ABCA1: variants seen among roughly 807,000 people sequenced by gnomAD.
ABCA1 encodes ATP binding cassette subfamily A member 1.
ABCA1 carries 133 observed loss-of-function variants against 262.5 expected under a neutral mutation model. That is an observed-to-expected ratio of 0.51 (90% CI 0.44 to 0.59). The LOEUF is 0.59. ABCA1 is among the 20% of genes least tolerant of loss of function. ABCA1 has a pLI of 0.00. For synonymous variants in ABCA1, 1,022 were observed against 1,043.5 expected, an observed-to-expected ratio of 0.98 and a Z score of 0.40; for missense variants, 2,452 against 2,777.5, an observed-to-expected ratio of 0.88 and a Z score of 2.63.
chr9:104,889,730 C>A (rs1839543775), intron 2 of ABCA1, among the ~76,000 whole-genome samples: 1 of 152,182 alleles, frequency 6.6e-6, no homozygotes, highest in Non-Finnish European at 1.5e-5. Flanking sequence ...GCTAAATACA[C>A]ACAACCCTTG....
At chr9:104,856,793 G>A (rs1027848945) in intron 7 of ABCA1, among the ~76,000 whole-genome samples, 2 of 152,158 alleles carry the variant, frequency 1.3e-5, no homozygotes, top group Non-Finnish European at 2.9e-5. Context: ...CTGAAAGGGT[G>A]AGCATTTGTC....
chr9:104,844,491 C>T (rs891877897), intron 8 of ABCA1, among the ~76,000 whole-genome samples: 1 of 152,052 alleles, frequency 6.6e-6, no homozygotes, highest in African/African-American at 2.4e-5. Flanking sequence ...TTGATCTCAG[C>T]ATTTTTGTAT....
At chr9:104,841,761 T>C (rs2482419) in intron 8 of ABCA1, among the ~76,000 whole-genome samples, 24,057 of 152,182 alleles carry the variant, frequency 0.16, 2,376 homozygotes, top group African/African-American at 0.28. Flanking sequence ...TCAGAAACCC[T>C]AGGCAGTGTC....
intron 25 of ABCA1, 87 bp from the exon 26 acceptor site, chr9:104,814,562 C>G: frequency 7.8e-7 from 1 of 1,275,510 alleles, no homozygotes; most frequent in African/African-American, 1.5e-5. Flanking sequence ...TACTGAGTGG[C>G]ATGTTAGCCC....
intron 24 of ABCA1, among the ~76,000 whole-genome samples, chr9:104,816,847 G>A (rs1165002417): frequency 6.6e-6 from 1 of 152,178 alleles, no homozygotes; most frequent in African/African-American, 2.4e-5. Flanking sequence ...AAGCCTTCCT[G>A]GGAAAAGCCA....
intron 39 of ABCA1, among the ~76,000 whole-genome samples, chr9:104,794,859 T>C (rs1248170011): frequency 6.6e-6 from 1 of 152,208 alleles, no homozygotes; most frequent in Non-Finnish European, 1.5e-5. Context: ...TGGGTCAATA[T>C]TTGAGTTTCA....
Position 104,785,255 on chromosome 9 carries a change from TA to T in ABCA1, c.6645+140del, listed in dbSNP as rs886883328. ...CCTTTTCAGGTTCAGAGAGGTTTAG[TA>T]AAAAGCATAGCTAGGAATAGTAGAT... On this transcript the variant is annotated intron_variant, in intron 49 of 49. Coordinates refer to ENST00000374736, the MANE Select transcript of ABCA1 (RefSeq NM_005502.4). 1.1e-5 allele frequency: 13 copies of T among 1,141,742 alleles called. No homozygotes were observed. In the African/African-American group the frequency reaches 2.0e-4, roughly 18 times the overall value. 70.7% of individuals were successfully genotyped at this position (1,141,742 alleles called of 1,614,324 possible). A position where few individuals can be genotyped will look rare whatever the true frequency, so the allele number is the denominator to read the frequency against.
rs1441646529 is a variant in ABCA1 at position 104,831,008 on chromosome 9, T to C, written c.1809A>G (p.Ala603=). 6.2e-7 allele frequency: 1 copy of C among 1,613,940 alleles called. No individual in the cohort carries two copies. Among genetic ancestry groups the C allele is most frequent in the Admixed American group, 1.7e-5 (1 of 59,992 alleles). ...FAYLQDVVEQ[A]IIRVLTGTEK... is the part of the protein sequence containing the mutation. ...CGGTGCCCGTCAGCACCCTGATGAT[T>C]GCCTGCTCCACCACATCCTGCAAGT... Residue 603 remains alanine (A), a synonymous_variant, in exon 14 of 50, where the codon GCA becomes GCG. Coordinates refer to ENST00000374736, the MANE Select transcript of ABCA1 (RefSeq NM_005502.4).
At chr9:104,803,941 T>C (rs1830556707) in intron 32 of ABCA1, among the ~76,000 whole-genome samples, 1 of 152,188 alleles carries the variant, frequency 6.6e-6, no homozygotes, top group Non-Finnish European at 1.5e-5. Context: ...ATATTTCAAT[T>C]GTGGATGACA....
intron 1 of ABCA1, among the ~76,000 whole-genome samples, chr9:104,908,848 A>T (rs776579355): frequency 6.6e-5 from 10 of 152,214 alleles, no homozygotes; most frequent in Non-Finnish European, 8.8e-5. Context: ...TGAAGGGGAC[A>T]GAAATCACTG....
chr9:104,853,887 G>A (rs990989473), intron 7 of ABCA1, among the ~76,000 whole-genome samples: 2 of 152,174 alleles, frequency 1.3e-5, no homozygotes, highest in Non-Finnish European at 2.9e-5. Flanking sequence ...AATATCCCCT[G>A]CAAAGATGTC....
At chr9:104,909,712 T>C in intron 1 of ABCA1, among the ~76,000 whole-genome samples, 1 of 151,482 alleles carries the variant, frequency 6.6e-6, no homozygotes, top group East Asian at 1.9e-4. Context: ...ACCTGGCACG[T>C]GTTCTCCCAC....
intron 30 of ABCA1, among the ~76,000 whole-genome samples, chr9:104,807,167 T>TG (rs767623132): frequency 2.0e-5 from 3 of 152,184 alleles, no homozygotes; most frequent in Non-Finnish European, 4.4e-5. Flanking sequence ...GGAAAGAGTC[T>TG]GGATCTTATG....
intron 27 of ABCA1, among the ~76,000 whole-genome samples, 167 bp downstream of exon 27, chr9:104,813,951 C>T (rs551388465): frequency 6.6e-6 from 1 of 152,344 alleles, no homozygotes; most frequent in East Asian, 1.9e-4. Context: ...TGATCACATG[C>T]ACGATGCTGC....
At chr9:104,790,178 G>A (rs1265724420) in intron 44 of ABCA1, among the ~76,000 whole-genome samples, 1 of 151,976 alleles carries the variant, frequency 6.6e-6, no homozygotes, top group Non-Finnish European at 1.5e-5. Context: ...AAATGTAGCT[G>A]TATTCCCAAA....
intron 44 of ABCA1, among the ~76,000 whole-genome samples, chr9:104,789,257 C>T (rs2297406): frequency 0.23 from 35,672 of 152,154 alleles, 5,255 homozygotes; most frequent in South Asian, 0.41. Context: ...GCTATACCAA[C>T]CAAATCAGTT....
intron 11 of ABCA1, 77 bp downstream of exon 11, chr9:104,836,903 C>T (rs545761500): frequency 8.5e-7 from 1 of 1,170,654 alleles, no homozygotes; most frequent in South Asian, 1.2e-5. Context: ...TCACCTCACT[C>T]ACACCTGGGA....
At chr9:104,883,558 A>G (rs934014995) in intron 4 of ABCA1, among the ~76,000 whole-genome samples, 3 of 152,252 alleles carry the variant, frequency 2.0e-5, no homozygotes, top group African/African-American at 7.2e-5. Context: ...AAGCAGAATT[A>G]AAAGTTAATA....
At chr9:104,820,935 C>T (rs942418976) in intron 20 of ABCA1, among the ~76,000 whole-genome samples, 3 of 152,282 alleles carry the variant, frequency 2.0e-5, no homozygotes, top group African/African-American at 7.2e-5. Flanking sequence ...CGGAGGTGAG[C>T]CTGCCATATT....
Sources: allele counts gnomAD v4.1 joint callset (sites outside exome capture counted in the v4.1 genomes callset), GRCh38; gene constraint gnomAD v4.1.1; transcripts MANE v1.5; gene names NCBI Gene and HGNC (gene_info 2026-07-23, HGNC 2026-07-21).